The following ARMC9 variants were observed in gnomAD, a reference collection of about 807,000 sequenced individuals.
The protein encoded by ARMC9 is armadillo repeat containing 9, also known as lisH domain-containing protein ARMC9.
ARMC9 carries 94 observed loss-of-function variants against 107.0 expected under a neutral mutation model. The ratio of observed to expected loss-of-function variants is 0.88; its 90% CI spans 0.74 to 1.04. The LOEUF (loss-of-function observed/expected upper bound fraction) is 1.04, where lower values mean the gene tolerates loss of function less well. Ranked by LOEUF, ARMC9 falls within the 50% of genes least tolerant of loss-of-function variation. The pLI is 0.00. For missense variants in ARMC9, 942 were observed against 1,030.1 expected (o/e 0.91, Z 1.17); for synonymous variants, 380 against 396.9 (o/e 0.96, Z 0.51).
chr2:231,311,216 A>G (rs767907979), intron 19 of ARMC9, among the ~76,000 whole-genome samples: 1 of 152,218 alleles, frequency 6.6e-6, no homozygotes, highest in Non-Finnish European at 1.5e-5. Flanking sequence ...AGAATTTGCT[A>G]TGCAGCTCAC....
chr2:231,366,947 T>C (rs2045843847), intron 23 of ARMC9, among the ~76,000 whole-genome samples: 2 of 149,514 alleles, frequency 1.3e-5, no homozygotes, highest in African/African-American at 2.5e-5. Flanking sequence ...GCCTCCCGGG[T>C]TCACGCCATT....
At chr2:231,284,681 A>G (rs574185992) in intron 17 of ARMC9, among the ~76,000 whole-genome samples, 2 of 152,278 alleles carry the variant, frequency 1.3e-5, no homozygotes, top group East Asian at 1.9e-4. Context: ...ATGAGATACC[A>G]TCGCATTTAT....
chr2:231,259,214 G>C, intron 11 of ARMC9, 112 bp downstream of exon 11: 1 of 916,362 alleles, frequency 1.1e-6, no homozygotes, highest in Non-Finnish European at 1.6e-6. Context: ...TTTCTTCCCC[G>C]CTGTCTGCTG....
chr2:231,262,100 G>A (rs1322144077), intron 11 of ARMC9, among the ~76,000 whole-genome samples: 4 of 152,170 alleles, frequency 2.6e-5, no homozygotes, highest in Admixed American at 6.5e-5. Flanking sequence ...GGGATTACAG[G>A]TGTGAGCCAC....
At chr2:231,314,811 A>G (rs2125521250) in intron 19 of ARMC9, among the ~76,000 whole-genome samples, 1 of 152,276 alleles carries the variant, frequency 6.6e-6, no homozygotes, top group South Asian at 2.1e-4. Flanking sequence ...GTATAGGACC[A>G]TTTTTAGTTA....
Position 231,374,727 on chromosome 2 carries a change from C to G in ARMC9, c.*3192C>G, listed in dbSNP as rs1022400798. 3 of 152,134 alleles carry G rather than the reference C, an allele frequency of 2.0e-5. No homozygotes were observed. The highest frequency in any genetic ancestry group is 4.4e-5 in the Non-Finnish European group (3 of 68,036). 9.4% of individuals were successfully genotyped at this position (152,134 alleles called of 1,614,324 possible). On this transcript the variant is annotated 3_prime_UTR_variant, in exon 25 of 25. Coordinates refer to ENST00000611582, the MANE Select transcript of ARMC9 (RefSeq NM_001352754.2). ...TGGCTTGTCTAACCCTAATCCCAGC[C>G]CCAGTTTTAATAAAACTGTATTTAC... is the stretch of plus-strand genomic sequence containing the variant.
chr2:231,331,382 C>T (rs868010891), intron 19 of ARMC9, among the ~76,000 whole-genome samples: 1 of 152,160 alleles, frequency 6.6e-6, no homozygotes, highest in East Asian at 1.9e-4. Context: ...TGGCTGTAAA[C>T]GTTCTTGAGA....
chr2:231,255,379 G>T lies in ARMC9; in HGVS notation c.880-1207G>T, dbSNP rs758418327. Among the ~76,000 whole-genome samples the T allele has an allele frequency of 4.6e-5, 7 of 152,114 alleles. No individual in the cohort carries two copies. The highest frequency in any genetic ancestry group is 8.8e-5 in the Non-Finnish European group (6 of 68,020). Reference sequence around the variant, plus strand: ...GTACAAAGTGCACATTTTTATACTTGAAGAGAAAATCTTAATAAAGAAAAA... The same window carrying T: ...GTACAAAGTGCACATTTTTATACTTTAAGAGAAAATCTTAATAAAGAAAAA... On this transcript the variant is annotated intron_variant, in intron 9 of 24. Coordinates refer to ENST00000611582, the MANE Select transcript of ARMC9 (RefSeq NM_001352754.2). This position sits in a 1 kb window ranked among gnomAD's most constrained non-coding sequence, Gnocchi z 4.7.
chr2:231,356,355 A>G (rs1327744882), intron 22 of ARMC9, among the ~76,000 whole-genome samples: 1 of 152,216 alleles, frequency 6.6e-6, no homozygotes, highest in East Asian at 1.9e-4. Context: ...CAACTCTGGG[A>G]TCCAAACGCC....
At chr2:231,322,096 CAACT>C (rs1273302710) in intron 19 of ARMC9, among the ~76,000 whole-genome samples, 1 of 152,210 alleles carries the variant, frequency 6.6e-6, no homozygotes, top group African/African-American at 2.4e-5. Flanking sequence ...GTTGTGAAAC[CAACT>C]GTCATACCCT....
intron 18 of ARMC9, 109 bp from the exon 19 acceptor site, chr2:231,296,089 T>C (rs531568987): frequency 1.4e-6 from 1 of 703,468 alleles, no homozygotes; most frequent in East Asian, 2.8e-5. Flanking sequence ...GACTTTGATG[T>C]AACCTCATTC....
chr2:231,213,164 C>CTTTTTTTTT (rs72180870), intron 3 of ARMC9, among the ~76,000 whole-genome samples: 2 of 137,684 alleles, frequency 1.5e-5, no homozygotes. Flanking sequence ...AACGTTTTTT[C>CTTTTTTTTT]TTTTTTTTTT....
At chr2:231,213,058 C>T (rs2033079126) in intron 3 of ARMC9, among the ~76,000 whole-genome samples, 1 of 152,082 alleles carries the variant, frequency 6.6e-6, no homozygotes, top group South Asian at 2.1e-4. Flanking sequence ...ATTATTTGTT[C>T]TCTATACATT....
intron 10 of ARMC9, among the ~76,000 whole-genome samples, chr2:231,258,759 G>A (rs977363382): frequency 6.6e-6 from 1 of 152,110 alleles, no homozygotes; most frequent in African/African-American, 2.4e-5. Flanking sequence ...CCTTGTTTTA[G>A]GAAAAATGTT....
At chr2:231,324,123 CTTTTTTTT>C (rs71296842) in intron 19 of ARMC9, among the ~76,000 whole-genome samples, 1 of 89,272 alleles carries the variant, frequency 1.1e-5, no homozygotes, top group African/African-American at 4.6e-5. Flanking sequence ...TTGTAAAGTA[CTTTTTTTT>C]TTTTTTTTTT....
chr2:231,291,101 A>G (rs2040957364), intron 17 of ARMC9, among the ~76,000 whole-genome samples: 1 of 152,198 alleles, frequency 6.6e-6, no homozygotes, highest in Admixed American at 6.5e-5. Context: ...CCAGTTGGAC[A>G]CTTGGCCAGG....
intron 17 of ARMC9, among the ~76,000 whole-genome samples, chr2:231,288,981 G>A (rs1400945083): frequency 6.6e-6 from 1 of 152,168 alleles, no homozygotes; most frequent in Non-Finnish European, 1.5e-5. Flanking sequence ...CACACTGCTT[G>A]TATTCCCATT....
At chr2:231,280,988 C>T (rs1212253353) in intron 16 of ARMC9, among the ~76,000 whole-genome samples, 4 of 152,072 alleles carry the variant, frequency 2.6e-5, no homozygotes, top group South Asian at 2.1e-4. Context: ...CGAAGGAGGG[C>T]GGTGGGAAAC....
At chr2:231,368,972 A>T (rs2045915790) in intron 23 of ARMC9, among the ~76,000 whole-genome samples, 1 of 152,230 alleles carries the variant, frequency 6.6e-6, no homozygotes, top group Non-Finnish European at 1.5e-5. Flanking sequence ...AAAAAGGCAT[A>T]TAGAAACAAA....
Sources: allele counts gnomAD v4.1 joint callset (sites outside exome capture counted in the v4.1 genomes callset), GRCh38; gene constraint gnomAD v4.1.1; non-coding constraint Gnocchi (gnomAD v3.1); transcripts MANE v1.5; gene names NCBI Gene and HGNC (gene_info 2026-07-23, HGNC 2026-07-21).